The following GLIS3 variants were observed in gnomAD, a reference collection of about 807,000 sequenced individuals.
The protein encoded by GLIS3 is zinc finger protein GLIS3.
A neutral mutation model predicts 78.6 loss-of-function variants in GLIS3; 53 were observed. The observed-to-expected ratio is 0.67, with a 90% CI of 0.54 to 0.85. GLIS3 has a LOEUF of 0.85. Ranked by LOEUF, GLIS3 falls within the 40% of genes least tolerant of loss-of-function variation. GLIS3 has a pLI of 0.00. For synonymous variants in GLIS3, 684 were observed against 509.9 expected (o/e 1.34, Z -4.60); for missense variants, 1,703 against 1,231.1 (o/e 1.38, Z -5.74).
the GLIS3 span, among the ~76,000 whole-genome samples, chr9:4,377,790 T>A: frequency 6.6e-6 from 1 of 152,176 alleles, no homozygotes; most frequent in Non-Finnish European, 1.5e-5. Flanking sequence ...TTGCACTTGT[T>A]TAGGCAATAT....
At chr9:3,910,063 C>T (rs1478905722) in intron 6 of GLIS3, among the ~76,000 whole-genome samples, 2 of 152,190 alleles carry the variant, frequency 1.3e-5, no homozygotes, top group African/African-American at 4.8e-5. Context: ...AAGCACCCTC[C>T]ATTTAGAAAG....
At chr9:4,216,664 G>C (rs1448877921) in intron 2 of GLIS3, among the ~76,000 whole-genome samples, 1 of 152,082 alleles carries the variant, frequency 6.6e-6, no homozygotes, top group Non-Finnish European at 1.5e-5. Context: ...CTTGTTTTAA[G>C]CTCTATCCCA....
At chr9:3,958,844 T>C (rs1351189386) in intron 4 of GLIS3, among the ~76,000 whole-genome samples, 1 of 152,110 alleles carries the variant, frequency 6.6e-6, no homozygotes, top group African/African-American at 2.4e-5. Flanking sequence ...GAAACAGAAA[T>C]AATACTGGCT....
chr9:4,424,821 A>T, the GLIS3 span, among the ~76,000 whole-genome samples: 1 of 151,518 alleles, frequency 6.6e-6, no homozygotes, highest in Non-Finnish European at 1.5e-5. Context: ...CTTCCTTTCA[A>T]AGCACTAGGA....
chr9:4,476,938 G>A, the GLIS3 span, among the ~76,000 whole-genome samples: 1 of 152,136 alleles, frequency 6.6e-6, no homozygotes, highest in African/African-American at 2.4e-5. Flanking sequence ...GATGTGGAGA[G>A]ACTGGAACCC....
chr9:4,007,497 AAAATGTC>A (rs1243728182), intron 4 of GLIS3, among the ~76,000 whole-genome samples: 1 of 152,120 alleles, frequency 6.6e-6, no homozygotes, highest in African/African-American at 2.4e-5. Context: ...AATCTTTGCT[AAAATGTC>A]AGCTAAAAAA....
the GLIS3 span, among the ~76,000 whole-genome samples, chr9:4,389,098 G>A: frequency 2.0e-5 from 3 of 152,302 alleles, no homozygotes; most frequent in African/African-American, 7.2e-5. Flanking sequence ...AGCAGCTACT[G>A]AGTACCTACT....
Position 4,118,845 on chromosome 9 carries a change from G to C in GLIS3, c.633C>G (p.Thr211=), listed in dbSNP as rs1831962137. Residue 211 remains threonine, a synonymous_variant, in exon 4 of 11, where the codon ACC becomes ACG. Coordinates refer to ENST00000381971, the MANE Select transcript of GLIS3 (RefSeq NM_001042413.2). The surrounding 1 kb of genome is among the most constrained non-coding windows in gnomAD (Gnocchi z 4.7). The part of the protein sequence containing the change: ...LISRESLAST[T]LSLTESQSAS... ...CCGACTGACTTTCCGTCAGACTCAAGGTCGTGGACGCCAAAGACTCACGCG... is the reference window on the plus strand; with the variant it reads ...CCGACTGACTTTCCGTCAGACTCAACGTCGTGGACGCCAAAGACTCACGCG... 1.2e-6 allele frequency: 2 copies of C among 1,604,076 alleles called. No homozygotes were observed. The highest frequency in any genetic ancestry group is 1.7e-6 in the Non-Finnish European group (2 of 1,179,958).
chr9:4,021,083 T>A (rs1262152586), intron 4 of GLIS3, among the ~76,000 whole-genome samples: 1 of 152,166 alleles, frequency 6.6e-6, no homozygotes, highest in Non-Finnish European at 1.5e-5. Context: ...GCTCAGAAAG[T>A]CTCTGAAACT....
intron 6 of GLIS3, among the ~76,000 whole-genome samples, chr9:3,900,226 C>T (rs530211646): frequency 2.3e-4 from 34 of 148,476 alleles, no homozygotes; most frequent in South Asian, 8.5e-4. Context: ...TGATAATAAG[C>T]GTGAAAAATG....
At chr9:4,165,736 T>C (rs964957703) in intron 2 of GLIS3, among the ~76,000 whole-genome samples, 7 of 152,124 alleles carry the variant, frequency 4.6e-5, no homozygotes, top group African/African-American at 1.2e-4. Flanking sequence ...ACTACAAATA[T>C]ACAGTTGGAA....
At chr9:4,400,103 G>A in the GLIS3 span, among the ~76,000 whole-genome samples, 7 of 152,194 alleles carry the variant, frequency 4.6e-5, no homozygotes, top group Non-Finnish European at 1.0e-4. Context: ...CAAGGACCAG[G>A]AGTATCATTG....
chr9:4,101,775 T>C (rs561394160), intron 4 of GLIS3, among the ~76,000 whole-genome samples: 1 of 152,244 alleles, frequency 6.6e-6, no homozygotes, highest in East Asian at 1.9e-4. Flanking sequence ...CTTATCAAAG[T>C]TGGGTCATGA....
At chr9:4,229,748 C>G (rs1300261076) in intron 2 of GLIS3, among the ~76,000 whole-genome samples, 1 of 152,188 alleles carries the variant, frequency 6.6e-6, no homozygotes, top group Non-Finnish European at 1.5e-5. Context: ...GCTCTTTCAG[C>G]TATTTTATAA....
chr9:4,255,082 T>C (rs1824790807), intron 2 of GLIS3, among the ~76,000 whole-genome samples: 1 of 152,178 alleles, frequency 6.6e-6, no homozygotes, highest in Admixed American at 6.5e-5. Context: ...TCACCAGATA[T>C]ACAGATGTCA....
Position 3,827,701 on chromosome 9 carries a change from T to A in GLIS3, c.*571A>T, listed in dbSNP as rs768373733. The stretch of plus-strand genomic sequence containing the variant: ...TGGCATATAAAACCTTATTTTTCTA[T>A]TGAAGAGAAACACTGAGAAGCAACT... On this transcript the variant is annotated 3_prime_UTR_variant, in exon 11 of 11. Coordinates refer to ENST00000381971, the MANE Select transcript of GLIS3 (RefSeq NM_001042413.2). The A allele has an allele frequency of 3.2e-5, 5 of 156,394 alleles. No homozygotes were observed. The highest frequency in any genetic ancestry group is 7.2e-5 in the African/African-American group (3 of 41,440). 9.7% of individuals were successfully genotyped at this position (156,394 alleles called of 1,614,324 possible). A position where few individuals can be genotyped will look rare whatever the true frequency, so the allele number is the denominator to read the frequency against.
intron 4 of GLIS3, among the ~76,000 whole-genome samples, chr9:4,021,761 G>A (rs954967178): frequency 3.3e-5 from 5 of 152,140 alleles, no homozygotes; most frequent in Middle Eastern, 3.2e-3. Context: ...GAAACAAGCT[G>A]CAAAAACACT....
chr9:4,371,787 T>G, the GLIS3 span, among the ~76,000 whole-genome samples: 1 of 152,152 alleles, frequency 6.6e-6, no homozygotes, highest in Non-Finnish European at 1.5e-5. Context: ...CAAAATGAAT[T>G]TAAAATCCTT....
intron 1 of GLIS3, among the ~76,000 whole-genome samples, chr9:4,291,405 C>T (rs575390171): frequency 1.2e-3 from 175 of 152,130 alleles, no homozygotes; most frequent in Non-Finnish European, 2.0e-3. Context: ...CAATTCGAAC[C>T]TGTGCAATCT....
Sources: gnomAD v4.1 joint callset for allele counts (sites outside exome capture counted in the v4.1 genomes callset) on GRCh38, gnomAD v4.1.1 for gene constraint, Gnocchi (gnomAD v3.1) non-coding constraint, MANE v1.5 for transcripts, NCBI Gene and HGNC (gene_info 2026-07-23, HGNC 2026-07-21) for gene names.